The following RBFOX1 variants were observed in gnomAD, a reference collection of about 807,000 sequenced individuals.
RBFOX1 encodes the protein RNA binding protein fox-1 homolog 1.
RBFOX1 carries 8 observed loss-of-function variants against 57.7 expected under a neutral mutation model. The ratio of observed to expected loss-of-function variants is 0.14; its 90% CI spans 0.08 to 0.25. The LOEUF (loss-of-function observed/expected upper bound fraction) is 0.25. RBFOX1 is among the 10% of genes least tolerant of loss of function. The pLI, the probability that RBFOX1 is intolerant of heterozygous loss-of-function variation, is 1.00. For missense variants in RBFOX1, 611 were observed against 548.5 expected (o/e 1.11, Z -1.14); for synonymous variants, 326 against 222.4 (o/e 1.47, Z -4.15).
rs146367404 is a variant in RBFOX1 at position 5,461,213 on chromosome 16, CT to C, written c.220-6002del. Among the ~76,000 whole-genome samples the C allele has an allele frequency of 9.3e-3, 1,414 of 152,304 alleles. 25 individuals carry two copies. The highest frequency in any genetic ancestry group is 0.032 in the African/African-American group (1,326 of 41,562). The stretch of plus-strand genomic sequence containing the variant: ...TTAGACCAGCAGAGAATGGCTGCAT[CT>C]CTAATAGTGGTGCATAGAGTGGTAA... On this transcript the variant is annotated intron_variant, in intron 1 of 2. Coordinates refer to the RBFOX1 transcript ENST00000585867.
intron 3 of RBFOX1, among the ~76,000 whole-genome samples, chr16:6,734,697 T>A (rs949022623): frequency 6.6e-6 from 1 of 152,134 alleles, no homozygotes; most frequent in Non-Finnish European, 1.5e-5. Flanking sequence ...GAGGGAAGAG[T>A]CAGAAAGCAG....
intron 4 of RBFOX1, among the ~76,000 whole-genome samples, chr16:7,509,657 G>C (rs1241201052): frequency 1.3e-5 from 2 of 152,156 alleles, no homozygotes; most frequent in Non-Finnish European, 2.9e-5. Context: ...TCGATTTGCA[G>C]TTAACCACAC....
intron 3 of RBFOX1, among the ~76,000 whole-genome samples, chr16:7,035,108 A>G (rs2043997837): frequency 6.6e-6 from 1 of 151,754 alleles, no homozygotes; most frequent in Admixed American, 6.6e-5. Context: ...TTGGCCTCCC[A>G]AAGTGCTGGG....
intron 4 of RBFOX1, among the ~76,000 whole-genome samples, chr16:7,116,217 C>A (rs528059026): frequency 1.3e-5 from 2 of 152,270 alleles, no homozygotes; most frequent in East Asian, 3.9e-4. Context: ...ATTTTCACCA[C>A]CTTCCTGAAT....
At chr16:7,177,197 G>C (rs771444730) in intron 4 of RBFOX1, among the ~76,000 whole-genome samples, 1 of 152,154 alleles carries the variant, frequency 6.6e-6, no homozygotes. Flanking sequence ...GGAGAATAGC[G>C]ACAATACAAC....
chr16:5,712,171 C>T (rs1203020731), intron 3 of RBFOX1, among the ~76,000 whole-genome samples: 1 of 152,148 alleles, frequency 6.6e-6, no homozygotes. Flanking sequence ...AAAACTGCCC[C>T]CATGATCCAA....
intron 5 of RBFOX1, among the ~76,000 whole-genome samples, chr16:7,531,383 C>A (rs1489387452): frequency 6.6e-6 from 1 of 152,146 alleles, no homozygotes; most frequent in Admixed American, 6.5e-5. Context: ...GTACTACCAG[C>A]TTTCTGTGGA....
intron 2 of RBFOX1, among the ~76,000 whole-genome samples, chr16:6,333,751 A>G (rs1036121094): frequency 2.0e-5 from 3 of 152,240 alleles, no homozygotes; most frequent in African/African-American, 7.2e-5. Context: ...AAGATGTTAC[A>G]TCAACGAATG....
intron 2 of RBFOX1, among the ~76,000 whole-genome samples, chr16:5,592,962 G>A (rs534602188): frequency 1.3e-5 from 2 of 152,310 alleles, no homozygotes; most frequent in East Asian, 3.9e-4. Context: ...AAATGAGACT[G>A]AGACCTACTG....
intron 11 of RBFOX1, among the ~76,000 whole-genome samples, chr16:7,648,038 C>T (rs2064107637): frequency 2.0e-5 from 3 of 152,160 alleles, no homozygotes; most frequent in Admixed American, 2.0e-4. Flanking sequence ...CAGACCACCA[C>T]ACCTGTAGGC....
chr16:6,266,568 G>A (rs1202606096), intron 1 of RBFOX1, among the ~76,000 whole-genome samples: 1 of 152,046 alleles, frequency 6.6e-6, no homozygotes, highest in East Asian at 1.9e-4. Context: ...ACAAAAATCA[G>A]TCAGTCATGG....
intron 3 of RBFOX1, among the ~76,000 whole-genome samples, chr16:6,689,110 G>A (rs1444418001): frequency 6.6e-6 from 1 of 152,188 alleles, no homozygotes; most frequent in Admixed American, 6.5e-5. Flanking sequence ...ATGTGCATAT[G>A]TCTTTATAGC....
chr16:7,702,026 A>G (rs1456729236), intron 14 of RBFOX1, among the ~76,000 whole-genome samples: 1 of 152,188 alleles, frequency 6.6e-6, no homozygotes, highest in Non-Finnish European at 1.5e-5. Flanking sequence ...ATGTACCTGC[A>G]TAGTGCACTG....
intron 4 of RBFOX1, among the ~76,000 whole-genome samples, chr16:7,201,809 G>C (rs2088585199): frequency 1.3e-5 from 2 of 152,116 alleles, no homozygotes; most frequent in Non-Finnish European, 2.9e-5. Context: ...TAGAGAATGG[G>C]CACGGCAAGC....
At chr16:5,869,989 A>G (rs2057429071) in intron 4 of RBFOX1, among the ~76,000 whole-genome samples, 1 of 152,104 alleles carries the variant, frequency 6.6e-6, no homozygotes, top group South Asian at 2.1e-4. Context: ...CAATACAGCA[A>G]TCAAAAAATA....
chr16:5,311,171 T>C (rs1171267540), intron 1 of RBFOX1, among the ~76,000 whole-genome samples: 2 of 152,208 alleles, frequency 1.3e-5, no homozygotes, highest in Admixed American at 6.5e-5. Flanking sequence ...AGACATTATT[T>C]CATTCTTTTT....
chr16:7,002,043 A>G (rs1021840958), intron 3 of RBFOX1, among the ~76,000 whole-genome samples: 8 of 127,784 alleles, frequency 6.3e-5, no homozygotes, highest in African/African-American at 2.4e-4. Context: ...TGGGCATGTG[A>G]TCAGGTGGAC....
At chr16:5,255,862 C>T (rs1009146110) in intron 1 of RBFOX1, among the ~76,000 whole-genome samples, 1 of 151,990 alleles carries the variant, frequency 6.6e-6, no homozygotes, top group Non-Finnish European at 1.5e-5. Flanking sequence ...ACTGAGCTGC[C>T]TCCTAGCTAG....
At position 6,972,711 on chromosome 16, in the gene RBFOX1, G is replaced by A. The variant is rs117802521; in HGVS notation, c.-15-79346G>A. Among the ~76,000 whole-genome samples, 1,473 of 152,262 alleles carry A rather than the reference G, an allele frequency of 9.7e-3. 15 individuals are homozygous for A. Among genetic ancestry groups the A allele is most frequent in the Non-Finnish European group, 0.013 (864 of 68,030 alleles). On this transcript the variant is annotated intron_variant, in intron 3 of 15. Coordinates refer to ENST00000550418, the MANE Select transcript of RBFOX1 (RefSeq NM_018723.4). ...GGCCTTGATAGAGATGGAGGCAGAGGTGGTCTCATGCGAAAGTATAAGTGG... is the reference window on the plus strand; with the variant it reads ...GGCCTTGATAGAGATGGAGGCAGAGATGGTCTCATGCGAAAGTATAAGTGG...
Sources: allele counts gnomAD v4.1 joint callset (sites outside exome capture counted in the v4.1 genomes callset), GRCh38; gene constraint gnomAD v4.1.1; transcripts MANE v1.5; gene names NCBI Gene and HGNC (gene_info 2026-07-23, HGNC 2026-07-21).